Variants in GRIA4 observed in about 807,000 individuals in gnomAD.
The protein encoded by GRIA4 is glutamate ionotropic receptor AMPA type subunit 4, also known as glutamate receptor 4.
GRIA4 carries 34 observed loss-of-function variants against 104.0 expected under a neutral mutation model. The ratio of observed to expected loss-of-function variants is 0.33; its 90% CI spans 0.25 to 0.44. The LOEUF (loss-of-function observed/expected upper bound fraction) is 0.44. GRIA4 is among the 20% of genes least tolerant of loss of function. GRIA4 has a pLI of 1.00. For synonymous variants in GRIA4, 386 were observed against 381.9 expected (o/e 1.01, Z -0.13); for missense variants, 750 against 1,096.5 (o/e 0.68, Z 4.46).
At chr11:105,644,347 C>A (rs968795579) in intron 3 of GRIA4, among the ~76,000 whole-genome samples, 1 of 151,548 alleles carries the variant, frequency 6.6e-6, no homozygotes, top group Non-Finnish European at 1.5e-5. Context: ...AATCCCAGCA[C>A]TTTGGGACGC....
chr11:105,730,118 TATTTAGAAAACCCC>T (rs1443978769), intron 3 of GRIA4, among the ~76,000 whole-genome samples: 7 of 152,240 alleles, frequency 4.6e-5, no homozygotes, highest in African/African-American at 1.4e-4. Flanking sequence ...CATGATTGTA[TATTTAGAAAACCCC>T]ATCGTCTCAG....
chr11:105,684,566 C>T (rs912036626), intron 3 of GRIA4, among the ~76,000 whole-genome samples: 5 of 144,136 alleles, frequency 3.5e-5, no homozygotes. Flanking sequence ...TATATACACA[C>T]CTTTATTTAT....
At chr11:105,968,339 G>A (rs1315973152) in intron 14 of GRIA4, among the ~76,000 whole-genome samples, 1 of 152,336 alleles carries the variant, frequency 6.6e-6, no homozygotes, top group East Asian at 1.9e-4. Context: ...CCATGTGCCA[G>A]TACCTGTATA....
chr11:105,821,792 T>C (rs1419028713), intron 4 of GRIA4, among the ~76,000 whole-genome samples: 1 of 152,138 alleles, frequency 6.6e-6, no homozygotes, highest in Non-Finnish European at 1.5e-5. Flanking sequence ...AATTTTCCCA[T>C]AAAATTTATG....
intron 3 of GRIA4, among the ~76,000 whole-genome samples, chr11:105,721,941 T>C (rs1937851959): frequency 6.6e-6 from 1 of 152,164 alleles, no homozygotes; most frequent in African/African-American, 2.4e-5. Context: ...GTAGTAAATG[T>C]CAATTGCAGT....
chr11:105,964,805 G>T (rs3016266), intron 14 of GRIA4, among the ~76,000 whole-genome samples: 75,653 of 140,378 alleles, frequency 0.54, 19,991 homozygotes, highest in South Asian at 0.61. Context: ...TTTTTTTTTT[G>T]TTTGTTTGTT....
intron 4 of GRIA4, among the ~76,000 whole-genome samples, chr11:105,841,256 T>G (rs1944384059): frequency 6.6e-6 from 1 of 152,204 alleles, no homozygotes; most frequent in African/African-American, 2.4e-5. Flanking sequence ...TTCTTAAATC[T>G]TTAAAAAATT....
At chr11:105,760,471 G>A (rs943132004) in intron 4 of GRIA4, among the ~76,000 whole-genome samples, 4 of 152,056 alleles carry the variant, frequency 2.6e-5, no homozygotes, top group African/African-American at 4.8e-5. Flanking sequence ...TTCTTGCAAT[G>A]TTGTTCCTTA....
In GRIA4 at chr11:105,617,125, A is replaced by T. The variant is rs563494138; in HGVS notation, c.247+4691A>T. Reference sequence around the variant, plus strand: ...CATTGGGAAATATATATATATACATATGATTATATATATAAAATCTTATTA... The same window carrying T: ...CATTGGGAAATATATATATATACATTTGATTATATATATAAAATCTTATTA... On this transcript the variant is annotated intron_variant, in intron 3 of 16. Coordinates refer to ENST00000282499, the MANE Select transcript of GRIA4 (RefSeq NM_000829.4). Among the ~76,000 whole-genome samples the T allele has an allele frequency of 6.7e-5, 10 of 149,714 alleles. No homozygotes were observed. In the East Asian group the frequency reaches 1.9e-3, roughly 29 times the overall value.
intron 3 of GRIA4, among the ~76,000 whole-genome samples, chr11:105,745,402 G>C (rs1371031105): frequency 6.6e-6 from 1 of 152,124 alleles, no homozygotes; most frequent in Non-Finnish European, 1.5e-5. Flanking sequence ...TGCCAAACCG[G>C]AGCAGGAGAA....
At chr11:105,673,979 T>C (rs1382096624) in intron 3 of GRIA4, among the ~76,000 whole-genome samples, 1 of 152,032 alleles carries the variant, frequency 6.6e-6, no homozygotes, top group Non-Finnish European at 1.5e-5. Flanking sequence ...GTATTTTTAA[T>C]GTACTGAGAT....
chr11:105,982,016 T>C lies in GRIA4; in HGVS notation c.*2277T>C. On this transcript the variant is annotated 3_prime_UTR_variant, in exon 17 of 17. Coordinates refer to ENST00000282499, the MANE Select transcript of GRIA4 (RefSeq NM_000829.4). ...GAGGGCAGGGACTGTGTCTATCTTG[T>C]TCACAGTTGTATCCCCAGCACCCAG... 6.5e-6 allele frequency: 1 copy of C among 152,790 alleles called. No individual in the cohort carries two copies. 9.5% of individuals were successfully genotyped at this position (152,790 alleles called of 1,614,324 possible).
rs761847301 is a variant in GRIA4, at chr11:105,905,217, A to C, written c.1074A>C (p.Thr358=). The C allele has an allele frequency of 3.7e-6, 6 of 1,604,586 alleles. No homozygotes were observed. In the Admixed American group the frequency reaches 1.0e-4, roughly 27 times the overall value. The stretch of plus-strand genomic sequence containing the variant: ...CTTAGGTTCGAATTCAAGGGCTGAC[A>C]GGGAATGTTCAGTTTGACCACTATG... The part of the protein sequence containing the change: ...TLKQVRIQGL[T]GNVQFDHYGR... Residue 358 remains threonine (T), a synonymous_variant, in exon 9 of 17, where the codon ACA becomes ACC. Coordinates refer to ENST00000282499, the MANE Select transcript of GRIA4 (RefSeq NM_000829.4).
At chr11:105,869,190 T>C (rs1389221129) in intron 5 of GRIA4, among the ~76,000 whole-genome samples, 3 of 152,134 alleles carry the variant, frequency 2.0e-5, no homozygotes, top group East Asian at 3.9e-4. Context: ...GGATATAAGT[T>C]TTTTCAAGGA....
chr11:105,919,240 T>C (rs1415273286), intron 11 of GRIA4, among the ~76,000 whole-genome samples: 3 of 152,090 alleles, frequency 2.0e-5, no homozygotes, highest in Non-Finnish European at 2.9e-5. Context: ...ACAAAACAAA[T>C]ATAATAGTAA....
chr11:105,836,132 G>T (rs1944175222), intron 4 of GRIA4, among the ~76,000 whole-genome samples: 1 of 151,970 alleles, frequency 6.6e-6, no homozygotes, highest in Non-Finnish European at 1.5e-5. Context: ...CTTAGAAAAA[G>T]GAAAGAAAAT....
chr11:105,854,979 A>G (rs1156959141), intron 4 of GRIA4, among the ~76,000 whole-genome samples: 1 of 152,228 alleles, frequency 6.6e-6, no homozygotes, highest in Non-Finnish European at 1.5e-5. Context: ...TATGAGGTTC[A>G]ACTGTATTGT....
chr11:105,861,036 T>TG (rs1945205079), intron 4 of GRIA4, among the ~76,000 whole-genome samples: 1 of 151,954 alleles, frequency 6.6e-6, no homozygotes, highest in South Asian at 2.1e-4. Flanking sequence ...TATATTGCAT[T>TG]TCCTGAAGAA....
chr11:105,965,702 TGAG>T (rs1858327771), intron 14 of GRIA4, among the ~76,000 whole-genome samples: 1 of 152,158 alleles, frequency 6.6e-6, no homozygotes, highest in Non-Finnish European at 1.5e-5. Flanking sequence ...TAATTGATGA[TGAG>T]ATCAGTTATT....
Sources: allele counts gnomAD v4.1 joint callset (sites outside exome capture counted in the v4.1 genomes callset), GRCh38; gene constraint gnomAD v4.1.1; transcripts MANE v1.5; gene names NCBI Gene and HGNC (gene_info 2026-07-23, HGNC 2026-07-21).